BCAS3: variants seen among roughly 807,000 people sequenced by gnomAD.
BCAS3 encodes the protein BCAS3 microtubule associated cell migration factor.
BCAS3 carries 53 observed loss-of-function variants against 116.1 expected under a neutral mutation model. The ratio of observed to expected loss-of-function variants is 0.46; its 90% CI spans 0.37 to 0.57. The LOEUF (loss-of-function observed/expected upper bound fraction) is 0.57. Ranked by LOEUF, BCAS3 falls within the 20% of genes least tolerant of loss-of-function variation. BCAS3 has a pLI of 0.00. For synonymous variants in BCAS3, 391 were observed against 408.2 expected (o/e 0.96, Z 0.51); for missense variants, 917 against 1,165.4 (o/e 0.79, Z 3.10).
intron 7 of BCAS3, among the ~76,000 whole-genome samples, chr17:60,832,030 G>C (rs1287983950): frequency 6.6e-6 from 1 of 152,188 alleles, no homozygotes; most frequent in African/African-American, 2.4e-5. Context: ...ATACTTCTGA[G>C]AGTCATTTGT....
chr17:60,757,113 A>T (rs948125961), intron 6 of BCAS3, among the ~76,000 whole-genome samples: 4 of 151,888 alleles, frequency 2.6e-5, no homozygotes, highest in African/African-American at 7.3e-5. Flanking sequence ...CAATGAGCCG[A>T]GATCGCACCA....
rs1230343522 is a variant in BCAS3 at position 61,227,959 on chromosome 17, G to A, written c.2426-140368G>A. Among the ~76,000 whole-genome samples the A allele has an allele frequency of 6.6e-6, 1 of 152,124 alleles. No homozygotes were observed. Among genetic ancestry groups the A allele is most frequent in the Non-Finnish European group, 1.5e-5 (1 of 68,022 alleles). On this transcript the variant is annotated intron_variant, in intron 22 of 23. Transcript: ENST00000407086. This position sits in a 1 kb window ranked among gnomAD's most constrained non-coding sequence, Gnocchi z 6.1. ...AACCCTCAGGGAAATAAAGTGCAAA[G>A]GCTTAGCCACAGGTGTAGCCATAGA...
intron 10 of BCAS3, among the ~76,000 whole-genome samples, chr17:60,901,203 T>C (rs1222772436): frequency 6.6e-6 from 1 of 151,532 alleles, no homozygotes; most frequent in Non-Finnish European, 1.5e-5. Flanking sequence ...GGAGTGAGAC[T>C]CTGTCTCTTA....
At chr17:61,310,715 G>A (rs1455861862) in intron 22 of BCAS3, among the ~76,000 whole-genome samples, 1 of 152,176 alleles carries the variant, frequency 6.6e-6, no homozygotes, top group African/African-American at 2.4e-5. Flanking sequence ...AGGGGGGCAG[G>A]CCTCTGTGCC....
chr17:60,888,586 T>C (rs1274579717), intron 9 of BCAS3, among the ~76,000 whole-genome samples: 1 of 152,164 alleles, frequency 6.6e-6, no homozygotes, highest in Non-Finnish European at 1.5e-5. Flanking sequence ...TATTACAGTA[T>C]GTTGTCTTTT....
intron 16 of BCAS3, among the ~76,000 whole-genome samples, chr17:61,025,660 A>G (rs929152593): frequency 1.3e-5 from 2 of 152,082 alleles, no homozygotes; most frequent in African/African-American, 2.4e-5. Flanking sequence ...GTATGTTCTT[A>G]TCTAACTGAG....
At chr17:60,831,823 T>C (rs2050965511) in intron 7 of BCAS3, among the ~76,000 whole-genome samples, 1 of 151,692 alleles carries the variant, frequency 6.6e-6, no homozygotes, top group Non-Finnish European at 1.5e-5. Flanking sequence ...CATTTATCTC[T>C]GTGGAAAATA....
At chr17:61,163,022 C>T (rs1280784514) in intron 22 of BCAS3, among the ~76,000 whole-genome samples, 2 of 152,122 alleles carry the variant, frequency 1.3e-5, no homozygotes, top group Admixed American at 1.3e-4. Flanking sequence ...TTGTTGAGCA[C>T]CTATTATATG....
intron 13 of BCAS3, among the ~76,000 whole-genome samples, chr17:60,939,806 A>G (rs1332248934): frequency 6.6e-6 from 1 of 152,220 alleles, no homozygotes; most frequent in Non-Finnish European, 1.5e-5. Flanking sequence ...TTGTATATAA[A>G]TTATGTATTC....
chr17:60,839,252 C>T (rs2051659632), intron 7 of BCAS3, among the ~76,000 whole-genome samples: 2 of 152,106 alleles, frequency 1.3e-5, no homozygotes, highest in African/African-American at 2.4e-5. Context: ...TATTTTGAAA[C>T]CTCCTTAAAG....
At position 60,747,196 on chromosome 17, in the gene BCAS3, A is replaced by G; in HGVS notation, c.322-2A>G. The G allele has an allele frequency of 6.2e-7, 1 of 1,604,862 alleles. No individual in the cohort carries two copies. Among genetic ancestry groups the G allele is most frequent in the Non-Finnish European group, 8.5e-7 (1 of 1,172,244 alleles). ...AAATATTTTCTTTCTTCTCTTATGC[A>G]GATCAGTGGTGAAGCACAAGAGCTC... On this transcript the variant is annotated splice_acceptor_variant, in intron 5 of 23. Transcript: ENST00000407086. LOFTEE classifies it high-confidence loss of function.
chr17:60,708,152 G>C (rs972018867), intron 4 of BCAS3, among the ~76,000 whole-genome samples: 1 of 151,940 alleles, frequency 6.6e-6, no homozygotes, highest in Non-Finnish European at 1.5e-5. Flanking sequence ...GCGAAACCCT[G>C]TCTCTACAAA....
At position 60,960,798 on chromosome 17, in the gene BCAS3, C is replaced by T. The variant is rs1270048031; in HGVS notation, c.1221+13446C>T. 2.7e-5 allele frequency among the ~76,000 whole-genome samples: 4 copies of T among 149,782 alleles called. 1 individual carries two copies. The highest frequency in any genetic ancestry group is 3.9e-4 in the East Asian group (2 of 5,116). ...TTCTTTTTCTTTTTTTTTTTTTAAT[C>T]ATGCCTTTGTGCCTTTCAGTCCAAG... On this transcript the variant is annotated intron_variant, in intron 14 of 23. Transcript: ENST00000407086. This position sits in a 1 kb window ranked among gnomAD's most constrained non-coding sequence, Gnocchi z 4.1.
chr17:61,119,486 A>G (rs1284362577), intron 22 of BCAS3, among the ~76,000 whole-genome samples: 1 of 152,154 alleles, frequency 6.6e-6, no homozygotes, highest in African/African-American at 2.4e-5. Flanking sequence ...GCATTTATTT[A>G]TGAGATTTAT....
rs1200773204 is a variant in BCAS3, at chr17:61,004,171, A to C, written c.1487-11580A>C. On this transcript the variant is annotated intron_variant, in intron 15 of 23. Coordinates refer to ENST00000407086, the MANE Select transcript of BCAS3 (RefSeq NM_017679.5). The surrounding 1 kb of genome is among the most constrained non-coding windows in gnomAD (Gnocchi z 4.8). The stretch of plus-strand genomic sequence containing the variant: ...TCCCTAGTTAGGAGGACAGTTAAGT[A>C]AGAAATTCTGGTCTGGTTCCACTGA... 6.6e-6 allele frequency among the ~76,000 whole-genome samples: 1 copy of C among 152,164 alleles called. No individual in the cohort carries two copies. Among genetic ancestry groups the C allele is most frequent in the African/African-American group, 2.4e-5 (1 of 41,444 alleles).
At chr17:60,917,754 G>A (rs2058849266) in intron 12 of BCAS3, among the ~76,000 whole-genome samples, 2 of 152,144 alleles carry the variant, frequency 1.3e-5, no homozygotes, top group Non-Finnish European at 2.9e-5. Context: ...CACCATGTCT[G>A]GCTAATTCTT....
intron 16 of BCAS3, among the ~76,000 whole-genome samples, chr17:61,027,776 A>C (rs1489035086): frequency 6.6e-6 from 1 of 151,874 alleles, no homozygotes; most frequent in Non-Finnish European, 1.5e-5. Flanking sequence ...TGGACTCACT[A>C]TGAGTATTAA....
rs1454265911 is a variant in BCAS3 at position 61,219,668 on chromosome 17, T to C, written c.2425+135104T>C. Among the ~76,000 whole-genome samples the C allele has an allele frequency of 6.6e-6, 1 of 152,098 alleles. No individual in the cohort carries two copies. The highest frequency in any genetic ancestry group is 1.5e-5 in the Non-Finnish European group (1 of 68,026). On this transcript the variant is annotated intron_variant, in intron 22 of 23. Coordinates refer to ENST00000407086, the MANE Select transcript of BCAS3 (RefSeq NM_017679.5). The surrounding 1 kb of genome is among the most constrained non-coding windows in gnomAD (Gnocchi z 5.2). Reference sequence around the variant, plus strand: ...GCAGCCTCTGTAGCTCCTTGGAGGGTTGCAAATAGCTGCCGTGAGAAACCC... The same window carrying C: ...GCAGCCTCTGTAGCTCCTTGGAGGGCTGCAAATAGCTGCCGTGAGAAACCC...
chr17:61,159,166 A>G (rs186066535), intron 22 of BCAS3, among the ~76,000 whole-genome samples: 10 of 152,306 alleles, frequency 6.6e-5, no homozygotes, highest in Admixed American at 6.5e-4. Context: ...ACAGAAGCAG[A>G]AAATCAATAT....
Sources: gnomAD v4.1 joint callset for allele counts (sites outside exome capture counted in the v4.1 genomes callset) on GRCh38, gnomAD v4.1.1 for gene constraint, Gnocchi (gnomAD v3.1) non-coding constraint, MANE v1.5 for transcripts, NCBI Gene and HGNC (gene_info 2026-07-23, HGNC 2026-07-21) for gene names.